Variants in NAV2 observed in about 807,000 individuals in gnomAD.
NAV2 encodes neuron navigator 2, also known as helicase, APC down-regulated 1.
NAV2 carries 54 observed loss-of-function variants against 223.2 expected under a neutral mutation model. That is an observed-to-expected ratio of 0.24 (90% confidence interval 0.19 to 0.30). The LOEUF is 0.30. Among genes scored for constraint, NAV2 ranks in the 10% least tolerant of loss-of-function variants. The pLI is 1.00. For synonymous variants in NAV2, 1,279 were observed against 1,239.3 expected (o/e 1.03, Z -0.67); for missense variants, 2,806 against 3,147.5 (o/e 0.89, Z 2.60).
intron 1 of NAV2, among the ~76,000 whole-genome samples, chr11:19,636,897 A>G (rs1429010702): frequency 1.3e-5 from 2 of 152,102 alleles, no homozygotes; most frequent in Non-Finnish European, 2.9e-5. Context: ...GCCACACCTC[A>G]TGAAATGTGA....
chr11:19,839,121 T>G (rs1590825132), intron 2 of NAV2, among the ~76,000 whole-genome samples: 1 of 152,308 alleles, frequency 6.6e-6, no homozygotes, highest in East Asian at 1.9e-4. Flanking sequence ...TTCAACGTCT[T>G]GTTAGTGTGA....
chr11:20,103,523 A>T, intron 33 of NAV2, 114 bp downstream of exon 33: 1 of 1,496,542 alleles, frequency 6.7e-7, no homozygotes, highest in East Asian at 2.3e-5. Context: ...GTGCACACGC[A>T]TAGGGTTGGG....
intron 1 of NAV2, among the ~76,000 whole-genome samples, chr11:19,535,735 A>G (rs1261526859): frequency 6.6e-6 from 1 of 152,126 alleles, no homozygotes; most frequent in Admixed American, 6.5e-5. Context: ...AGTGGGCCCA[A>G]TCAAGCCTGA....
chr11:19,988,254 A>T (rs1193711637), intron 11 of NAV2, among the ~76,000 whole-genome samples: 1 of 152,216 alleles, frequency 6.6e-6, no homozygotes, highest in African/African-American at 2.4e-5. Context: ...TCATCCCAAG[A>T]TCACATAAAC....
At chr11:19,523,370 C>T (rs562262899) in intron 1 of NAV2, among the ~76,000 whole-genome samples, 1 of 152,074 alleles carries the variant, frequency 6.6e-6, no homozygotes, top group South Asian at 2.1e-4. Flanking sequence ...ACAGTGCATC[C>T]CTCCTGTTCC....
At chr11:19,704,351 A>C (rs2152290660) in intron 1 of NAV2, among the ~76,000 whole-genome samples, 1 of 152,226 alleles carries the variant, frequency 6.6e-6, no homozygotes, top group African/African-American at 2.4e-5. Context: ...GCAGATCTTA[A>C]CCGTATCAGA....
intron 1 of NAV2, chr11:19,519,677 A>G (rs1041847395): frequency 1.3e-5 from 2 of 152,334 alleles, no homozygotes; most frequent in South Asian, 2.1e-4. Flanking sequence ...CAGCATGTCA[A>G]TGCACCATGT....
intron 1 of NAV2, among the ~76,000 whole-genome samples, chr11:19,603,831 G>A (rs939348479): frequency 2.0e-5 from 3 of 151,964 alleles, no homozygotes; most frequent in South Asian, 4.1e-4. Flanking sequence ...GTGATGGAAG[G>A]TTTTATATAG....
chr11:19,929,950 G>A (rs1414423528), intron 6 of NAV2, among the ~76,000 whole-genome samples: 1 of 152,166 alleles, frequency 6.6e-6, no homozygotes, highest in Non-Finnish European at 1.5e-5. Context: ...GGAATTAGTA[G>A]AGTCTACTAA....
intron 4 of NAV2, among the ~76,000 whole-genome samples, chr11:19,877,267 G>C (rs752384300): frequency 1.1e-4 from 16 of 151,804 alleles, no homozygotes; most frequent in Non-Finnish European, 1.9e-4. Context: ...ATACACACTG[G>C]TTAATAATAG....
chr11:19,951,548 T>C (rs2047397591), intron 10 of NAV2, among the ~76,000 whole-genome samples: 2 of 147,030 alleles, frequency 1.4e-5, no homozygotes, highest in Non-Finnish European at 3.0e-5. Flanking sequence ...ACCGAACAAA[T>C]TGTGGCTTGT....
intron 1 of NAV2, among the ~76,000 whole-genome samples, chr11:19,375,824 C>T (rs947774118): frequency 1.3e-5 from 2 of 152,064 alleles, no homozygotes; most frequent in African/African-American, 4.8e-5. Flanking sequence ...CTTCTGGTGG[C>T]GATGGTGGGG....
intron 11 of NAV2, among the ~76,000 whole-genome samples, chr11:19,992,203 T>G (rs994740240): frequency 1.3e-5 from 2 of 152,242 alleles, no homozygotes; most frequent in Non-Finnish European, 2.9e-5. Context: ...GCCTGTTTCC[T>G]CAGTAGCAGG....
At chr11:19,471,544 C>T (rs2041965658) in intron 1 of NAV2, among the ~76,000 whole-genome samples, 1 of 152,106 alleles carries the variant, frequency 6.6e-6, no homozygotes, top group Non-Finnish European at 1.5e-5. Flanking sequence ...ACAATCTTAC[C>T]AGTGCAGGAC....
At chr11:19,872,499 A>G (rs752665734) in intron 4 of NAV2, among the ~76,000 whole-genome samples, 23 of 152,262 alleles carry the variant, frequency 1.5e-4, no homozygotes, top group Non-Finnish European at 2.4e-4. Flanking sequence ...CTACTAGCAA[A>G]GCAGTGTGGT....
At chr11:19,420,347 G>T (rs2729925) in intron 1 of NAV2, among the ~76,000 whole-genome samples, 2,878 of 152,284 alleles carry the variant, frequency 0.019, 88 homozygotes, top group African/African-American at 0.064. Context: ...GTGAAAATTG[G>T]TGTGACTGAT....
intron 1 of NAV2, among the ~76,000 whole-genome samples, chr11:19,465,543 C>T (rs989320721): frequency 6.6e-5 from 10 of 152,092 alleles, no homozygotes; most frequent in South Asian, 2.1e-4. Flanking sequence ...AAATATCTGA[C>T]CTTTTTGTGT....
At chr11:19,624,413 CT>C (rs1197348207) in intron 1 of NAV2, among the ~76,000 whole-genome samples, 1 of 152,148 alleles carries the variant, frequency 6.6e-6, no homozygotes, top group Non-Finnish European at 1.5e-5. Flanking sequence ...TCAGTTCGAG[CT>C]TCCTGGCCAC....
At chr11:19,416,003 A>G (rs1480049339) in intron 1 of NAV2, among the ~76,000 whole-genome samples, 1 of 152,178 alleles carries the variant, frequency 6.6e-6, no homozygotes, top group East Asian at 1.9e-4. Context: ...AAATGGGCAA[A>G]AGCTGGGAGC....
Sources: allele counts gnomAD v4.1 joint callset (sites outside exome capture counted in the v4.1 genomes callset), GRCh38; gene constraint gnomAD v4.1.1; transcripts MANE v1.5; gene names NCBI Gene and HGNC (gene_info 2026-07-23, HGNC 2026-07-21).